Variants in KCND2 observed in about 807,000 individuals in gnomAD.
The protein encoded by KCND2 is A-type voltage-gated potassium channel KCND2.
A neutral mutation model predicts 54.4 loss-of-function variants in KCND2; 16 were observed. The observed-to-expected ratio is 0.29, with a 90% CI of 0.20 to 0.45. The LOEUF (loss-of-function observed/expected upper bound fraction) is 0.45, where lower values mean the gene tolerates loss of function less well. Ranked by LOEUF, KCND2 falls within the 20% of genes least tolerant of loss-of-function variation. The pLI is 1.00. For synonymous variants in KCND2, 317 were observed against 310.7 expected, an observed-to-expected ratio of 1.02 and a Z score of -0.21; for missense variants, 486 against 824.2, an observed-to-expected ratio of 0.59 and a Z score of 5.02.
chr7:120,278,072 G>A (rs1584708063), intron 1 of KCND2, among the ~76,000 whole-genome samples: 1 of 151,880 alleles, frequency 6.6e-6, no homozygotes, highest in Non-Finnish European at 1.5e-5. Flanking sequence ...TGGAAATGTC[G>A]ATGTAATCAA....
chr7:120,711,419 T>C (rs1463570192), intron 1 of KCND2, among the ~76,000 whole-genome samples: 1 of 152,198 alleles, frequency 6.6e-6, no homozygotes, highest in Non-Finnish European at 1.5e-5. Context: ...TTTACAAAGA[T>C]GCTTAAAGCA....
chr7:120,324,786 C>G (rs1290204108), intron 1 of KCND2, among the ~76,000 whole-genome samples: 1 of 151,874 alleles, frequency 6.6e-6, no homozygotes, highest in Non-Finnish European at 1.5e-5. Context: ...AATGAGGGCT[C>G]TTTTTTGGTT....
chr7:120,391,660 A>G (rs1348809134), intron 1 of KCND2, among the ~76,000 whole-genome samples: 2 of 151,630 alleles, frequency 1.3e-5, no homozygotes, highest in African/African-American at 2.4e-5. Flanking sequence ...AATTTCTCTA[A>G]TGACCAGTGA....
chr7:120,598,558 G>A, intron 1 of KCND2, among the ~76,000 whole-genome samples: 1 of 103,820 alleles, frequency 9.6e-6, no homozygotes, highest in Admixed American at 1.6e-4. Flanking sequence ...GTATTATCAG[G>A]TCTTGGTGGG....
At chr7:120,467,183 CTG>C (rs973790631) in intron 1 of KCND2, among the ~76,000 whole-genome samples, 6 of 152,052 alleles carry the variant, frequency 3.9e-5, no homozygotes, top group Admixed American at 1.3e-4. Context: ...AAAAGGAAAA[CTG>C]TGACAATATG....
chr7:120,519,616 GATA>G, intron 1 of KCND2, among the ~76,000 whole-genome samples: 1 of 152,288 alleles, frequency 6.6e-6, no homozygotes, highest in Admixed American at 6.5e-5. Flanking sequence ...AGAACAGTGA[GATA>G]ATAAATTGTC....
intron 1 of KCND2, among the ~76,000 whole-genome samples, chr7:120,392,905 C>T (rs1801099254): frequency 6.6e-6 from 1 of 151,974 alleles, no homozygotes. Flanking sequence ...ACTATGTGTA[C>T]ACTGTAGAGT....
At chr7:120,308,078 C>T (rs1025822464) in intron 1 of KCND2, among the ~76,000 whole-genome samples, 4 of 151,928 alleles carry the variant, frequency 2.6e-5, no homozygotes, top group African/African-American at 9.7e-5. Flanking sequence ...TTTGACATTG[C>T]AGCTGCTGAA....
chr7:120,398,166 C>T (rs972669035), intron 1 of KCND2, among the ~76,000 whole-genome samples: 4 of 142,666 alleles, frequency 2.8e-5, no homozygotes, highest in African/African-American at 5.4e-5. Flanking sequence ...CATATATACA[C>T]ACACACACAC....
chr7:120,335,482 T>TA (rs1367835488), intron 1 of KCND2, among the ~76,000 whole-genome samples: 1 of 149,352 alleles, frequency 6.7e-6, no homozygotes, highest in East Asian at 2.0e-4. Context: ...TTTATTTATT[T>TA]ATTTATTTAT....
At chr7:120,298,970 C>CTGGT (rs1799548589) in intron 1 of KCND2, among the ~76,000 whole-genome samples, 1 of 152,012 alleles carries the variant, frequency 6.6e-6, no homozygotes, top group African/African-American at 2.4e-5. Context: ...CCAGCCTGGC[C>CTGGT]AACATGGGTG....
At chr7:120,366,984 G>A (rs1313391148) in intron 1 of KCND2, among the ~76,000 whole-genome samples, 2 of 152,110 alleles carry the variant, frequency 1.3e-5, no homozygotes, top group East Asian at 3.9e-4. Flanking sequence ...ATACATGAGA[G>A]CACTTTAAAA....
At chr7:120,488,989 A>G (rs922348183) in intron 1 of KCND2, among the ~76,000 whole-genome samples, 7 of 152,162 alleles carry the variant, frequency 4.6e-5, no homozygotes, top group African/African-American at 1.7e-4. Context: ...TAGGATAAGT[A>G]GACAATTACA....
At chr7:120,363,970 C>T (rs1800631617) in intron 1 of KCND2, among the ~76,000 whole-genome samples, 1 of 152,138 alleles carries the variant, frequency 6.6e-6, no homozygotes, top group Non-Finnish European at 1.5e-5. Flanking sequence ...CAGATACTCA[C>T]TTGGCTTAAT....
chr7:120,740,125 A>G (rs755611850), intron 2 of KCND2, among the ~76,000 whole-genome samples: 2 of 152,058 alleles, frequency 1.3e-5, no homozygotes, highest in African/African-American at 2.4e-5. Context: ...GTAAAAATGT[A>G]TGTGTATATA....
At chr7:120,533,800 A>G (rs1172556471) in intron 1 of KCND2, among the ~76,000 whole-genome samples, 2 of 152,080 alleles carry the variant, frequency 1.3e-5, no homozygotes, top group Non-Finnish European at 2.9e-5. Context: ...TAGTAGCTTG[A>G]ATATCAATTA....
intron 1 of KCND2, among the ~76,000 whole-genome samples, chr7:120,457,816 A>G (rs1210252748): frequency 2.0e-5 from 3 of 152,102 alleles, no homozygotes; most frequent in African/African-American, 7.2e-5. Flanking sequence ...GCAGTGCCCC[A>G]ATCTCTGTGG....
intron 1 of KCND2, among the ~76,000 whole-genome samples, chr7:120,416,746 G>C (rs1801530130): frequency 7.4e-6 from 1 of 134,896 alleles, no homozygotes; most frequent in Non-Finnish European, 1.6e-5. Context: ...ACAAGGGAAA[G>C]AAACTCTCTC....
intron 1 of KCND2, among the ~76,000 whole-genome samples, chr7:120,405,711 CCTT>C (rs986585031): frequency 1.3e-4 from 19 of 151,930 alleles, no homozygotes; most frequent in African/African-American, 4.3e-4. Context: ...TTTTTAAAAA[CCTT>C]CTTGTTTGTC....
Sources: gnomAD v4.1 joint callset for allele counts (sites outside exome capture counted in the v4.1 genomes callset) on GRCh38, gnomAD v4.1.1 for gene constraint, MANE v1.5 for transcripts, NCBI Gene and HGNC (gene_info 2026-07-23, HGNC 2026-07-21) for gene names.